The following L3MBTL3 variants were observed in gnomAD, a reference collection of about 807,000 sequenced individuals.
The protein encoded by L3MBTL3 is L3MBTL histone methyl-lysine binding protein 3, also known as lethal(3)malignant brain tumor-like protein 3.
L3MBTL3 carries 27 observed loss-of-function variants against 102.3 expected under a neutral mutation model. The observed-to-expected ratio is 0.26, with a 90% CI of 0.19 to 0.36. The LOEUF (loss-of-function observed/expected upper bound fraction) is 0.36, where lower values mean the gene tolerates loss of function less well. Ranked by LOEUF, L3MBTL3 falls within the 10% of genes least tolerant of loss-of-function variation. L3MBTL3 has a pLI of 1.00. For synonymous variants in L3MBTL3, 340 were observed against 320.9 expected (o/e 1.06, Z -0.64); for missense variants, 798 against 955.3 (o/e 0.84, Z 2.17).
chr6:130,121,493 T>TCA (rs1419649692), intron 20 of L3MBTL3, among the ~76,000 whole-genome samples: 1 of 152,222 alleles, frequency 6.6e-6, no homozygotes, highest in Non-Finnish European at 1.5e-5. Flanking sequence ...TTGTTTAGTA[T>TCA]CAATATAGTA....
At chr6:130,106,121 A>G (rs1784967189) in intron 19 of L3MBTL3, among the ~76,000 whole-genome samples, 1 of 152,186 alleles carries the variant, frequency 6.6e-6, no homozygotes, top group African/African-American at 2.4e-5. Context: ...ATATTTTTAA[A>G]ATGATATTTT....
chr6:130,120,068 C>G (rs1445183093), intron 19 of L3MBTL3, among the ~76,000 whole-genome samples: 1 of 152,138 alleles, frequency 6.6e-6, no homozygotes, highest in East Asian at 1.9e-4. Context: ...AACAGTAGCA[C>G]ATCATAAACA....
At chr6:130,098,865 T>C (rs1308626435) in intron 18 of L3MBTL3, among the ~76,000 whole-genome samples, 1 of 53,636 alleles carries the variant, frequency 1.9e-5, no homozygotes, top group Non-Finnish European at 3.5e-5. Flanking sequence ...GTGTTTTTCT[T>C]TTTTTTTTTT....
chr6:130,022,214 A>C lies in L3MBTL3; in HGVS notation c.-94-13A>C, dbSNP rs563206155. On this transcript the variant is annotated splice_polypyrimidine_tract_variant and intron_variant, in intron 1 of 22. Coordinates refer to ENST00000361794, the MANE Select transcript of L3MBTL3 (RefSeq NM_032438.4). ...TTTTGATTTTACCTTCCCTCTCTTT[A>C]AACCAATGCTAGAACCCTTAGGAGA... is the stretch of plus-strand genomic sequence containing the variant. The C allele has an allele frequency of 6.6e-6, 1 of 152,360 alleles. No homozygotes were observed. Among genetic ancestry groups the C allele is most frequent in the South Asian group, 2.1e-4 (1 of 4,828 alleles). The allele number at this position is 152,360 out of a possible 1,614,324, so 9.4% of individuals were successfully genotyped here. A position where few individuals can be genotyped will look rare whatever the true frequency, so the allele number is the denominator to read the frequency against.
intron 16 of L3MBTL3, among the ~76,000 whole-genome samples, chr6:130,091,536 A>T (rs1490866000): frequency 6.6e-6 from 1 of 152,130 alleles, no homozygotes. Context: ...ATGGCCATAG[A>T]GATGGTAGCA....
chr6:130,056,921 C>CT (rs926741109), intron 8 of L3MBTL3, among the ~76,000 whole-genome samples: 18 of 152,254 alleles, frequency 1.2e-4, no homozygotes, highest in African/African-American at 4.3e-4. Flanking sequence ...ATATATAAAA[C>CT]TAATATTAAC....
Position 130,139,610 on chromosome 6 carries a change from C to G in L3MBTL3, c.2200C>G (p.Gln734Glu), listed in dbSNP as rs1788095249. 1.2e-6 allele frequency: 2 copies of G among 1,611,902 alleles called. No individual in the cohort carries two copies. Among genetic ancestry groups the G allele is most frequent in the African/African-American group, 2.7e-5 (2 of 74,962 alleles). ...EEHGKVFKDE[Q>E]IDGEAFLLMT... ...CTGTTGTTTTTTTCCCCCATTTTAG[C>G]AAATTGATGGAGAAGCATTTCTACT... is the stretch of plus-strand genomic sequence containing the variant. Residue 734 changes from glutamine (Q) to glutamate (E), a missense_variant and splice_region_variant, in exon 23 of 23, where the codon CAA becomes GAA. Gln to Glu is a conservative substitution (Grantham distance 29). Coordinates refer to ENST00000361794, the MANE Select transcript of L3MBTL3 (RefSeq NM_032438.4).
At chr6:130,066,996 A>G (rs910571394) in intron 11 of L3MBTL3, among the ~76,000 whole-genome samples, 3 of 152,164 alleles carry the variant, frequency 2.0e-5, no homozygotes, top group East Asian at 1.9e-4. Flanking sequence ...ACTCATAGCA[A>G]TTACTTTTCT....
intron 20 of L3MBTL3, among the ~76,000 whole-genome samples, chr6:130,125,651 A>G (rs1284537063): frequency 6.6e-6 from 1 of 152,314 alleles, no homozygotes; most frequent in Admixed American, 6.5e-5. Flanking sequence ...CCTCTAGTGA[A>G]CCTACAGGTG....
chr6:130,127,821 G>A (rs1582634879), intron 20 of L3MBTL3, among the ~76,000 whole-genome samples: 1 of 152,004 alleles, frequency 6.6e-6, no homozygotes, highest in East Asian at 1.9e-4. Context: ...GTAACATTAA[G>A]TAGTTTATTT....
At chr6:130,068,847 T>G (rs977767968) in intron 12 of L3MBTL3, among the ~76,000 whole-genome samples, 3 of 152,190 alleles carry the variant, frequency 2.0e-5, no homozygotes, top group Admixed American at 1.3e-4. Context: ...TATAGCTTTG[T>G]TTACAGTAAA....
At chr6:130,055,031 ATATTCTT>A in intron 7 of L3MBTL3, 133 bp from the exon 8 acceptor site, 4 of 664,556 alleles carry the variant, frequency 6.0e-6, no homozygotes, top group Admixed American at 4.9e-5. Context: ...CAGATGAACT[ATATTCTT>A]ACTTTCCTTA....
At chr6:130,044,036 G>A (rs1361571747) in intron 3 of L3MBTL3, among the ~76,000 whole-genome samples, 5 of 152,146 alleles carry the variant, frequency 3.3e-5, no homozygotes, top group South Asian at 2.1e-4. Context: ...AATGCCAAGC[G>A]TTTTGCTTGC....
At chr6:130,050,109 C>G (rs13362746) in intron 5 of L3MBTL3, among the ~76,000 whole-genome samples, 2,795 of 152,304 alleles carry the variant, frequency 0.018, 66 homozygotes, top group African/African-American at 0.062. Context: ...CTTCTCAACT[C>G]TCATCTGAAC....
At chr6:130,054,998 C>G in intron 7 of L3MBTL3, 173 bp from the exon 8 acceptor site, 1 of 583,996 alleles carries the variant, frequency 1.7e-6, no homozygotes, top group South Asian at 2.0e-5. Context: ...TTGTAATAAC[C>G]TCAGGCCAAA....
chr6:130,030,414 G>A (rs909934529), intron 2 of L3MBTL3, among the ~76,000 whole-genome samples: 16 of 151,920 alleles, frequency 1.1e-4, no homozygotes, highest in African/African-American at 3.6e-4. Context: ...TGTAATCCCA[G>A]TACTTTGGGA....
intron 20 of L3MBTL3, among the ~76,000 whole-genome samples, chr6:130,127,649 G>T (rs1482254067): frequency 6.6e-6 from 1 of 152,062 alleles, no homozygotes; most frequent in East Asian, 1.9e-4. Context: ...TGAAGTCAAA[G>T]ATCCACAAAC....
chr6:130,052,733 C>A (rs1055563986), intron 6 of L3MBTL3, 126 bp from the exon 7 acceptor site: 46 of 1,147,512 alleles, frequency 4.0e-5, no homozygotes, highest in Non-Finnish European at 5.4e-5. Context: ...CAGATTTCTC[C>A]TGGTAGTTAA....
intron 22 of L3MBTL3, among the ~76,000 whole-genome samples, chr6:130,134,323 G>A (rs1301949986): frequency 6.6e-6 from 1 of 151,864 alleles, no homozygotes; most frequent in East Asian, 1.9e-4. Context: ...CTCCATTTGA[G>A]GTTTATAATA....
Sources: allele counts gnomAD v4.1 joint callset (sites outside exome capture counted in the v4.1 genomes callset), GRCh38; gene constraint gnomAD v4.1.1; transcripts MANE v1.5; gene names NCBI Gene and HGNC (gene_info 2026-07-23, HGNC 2026-07-21).